The following RNF14 variants were observed in gnomAD, a reference collection of about 807,000 sequenced individuals.
RNF14 encodes E3 ubiquitin-protein ligase RNF14.
Under a neutral mutation model 52.6 loss-of-function variants are expected in RNF14, and 26 were observed. The observed-to-expected ratio is 0.49, with a 90% CI of 0.36 to 0.69. RNF14 has a LOEUF of 0.69. RNF14 is among the 30% of genes least tolerant of loss of function. The pLI, the probability that RNF14 is intolerant of heterozygous loss-of-function variation, is 0.00. For synonymous variants in RNF14, 194 were observed against 202.0 expected, an observed-to-expected ratio of 0.96 and a Z score of 0.34; for missense variants, 404 against 560.4, an observed-to-expected ratio of 0.72 and a Z score of 2.82.
rs1015660692 is a variant in RNF14, at chr5:141,960,130, C to T, written c.-181+1705C>T. 3.3e-5 allele frequency among the ~76,000 whole-genome samples: 5 copies of T among 152,296 alleles called. No homozygotes were observed. In the South Asian group the frequency reaches 8.3e-4, roughly 25 times the overall value. ...AAGGTGCTGCCTAAGCTACTAGGAG[C>T]CCCTGGGAGCTCAGGGACACAAGGG... On this transcript the variant is annotated intron_variant, in intron 1 of 4. Transcript: ENST00000506822.
In RNF14 at chr5:141,984,809, G is replaced by C. The variant is rs755710046; in HGVS notation, c.1243G>C (p.Asp415His). 6.2e-7 allele frequency: 1 copy of C among 1,613,818 alleles called. No homozygotes were observed. Among genetic ancestry groups the C allele is most frequent in the Non-Finnish European group, 8.5e-7 (1 of 1,179,818 alleles). ...PCCGTPIEKL[D>H]GCNKMTCTGC... is the part of the protein sequence containing the mutation. Reference sequence around the variant, plus strand: ...TTTCTATCCTTCCCACCAGAAATTAGACGGATGTAACAAGATGACATGTAC... The same window carrying C: ...TTTCTATCCTTCCCACCAGAAATTACACGGATGTAACAAGATGACATGTAC... Residue 415 changes from aspartate (D) to histidine (H), a missense_variant, in exon 8 of 9, where the codon GAC becomes CAC. Transcript: ENST00000394520.
chr5:141,954,708 A>G (rs189110513), upstream of RNF14, among the ~76,000 whole-genome samples: 7 of 152,318 alleles, frequency 4.6e-5, no homozygotes, highest in East Asian at 1.3e-3. Context: ...GGACAACTCT[A>G]CAAGGTAGAT....
At chr5:141,955,686 C>T (rs777965030), upstream of RNF14, 2 of 1,614,168 alleles carry the variant, frequency 1.2e-6, no homozygotes, top group Admixed American at 1.7e-5. The surrounding 1 kb of genome is among the most constrained non-coding windows in gnomAD (Gnocchi z 5.5). Context: ...ACAGTACAGC[C>T]AGGCAGATCA....
intron 3 of RNF14, 150 bp downstream of exon 3, chr5:141,973,892 A>G (rs1394576631): frequency 1.2e-5 from 8 of 657,188 alleles, no homozygotes; most frequent in East Asian, 3.1e-5. Context: ...GAAAATTGCA[A>G]TGAGGGGCAA....
intron 1 of RNF14, among the ~76,000 whole-genome samples, chr5:141,959,388 G>T (rs1298867085): frequency 1.3e-5 from 2 of 152,108 alleles, no homozygotes; most frequent in Admixed American, 1.3e-4. Flanking sequence ...AGTTTGCTTG[G>T]GTGGGCTTTG....
At chr5:141,961,172 A>C (rs571639353) in intron 1 of RNF14, among the ~76,000 whole-genome samples, 1 of 152,118 alleles carries the variant, frequency 6.6e-6, no homozygotes, top group Non-Finnish European at 1.5e-5. Flanking sequence ...TGTTTTATCT[A>C]TATATATTTT....
At chr5:141,955,662 CCCGAAGATGCCCAACAGTACAG>C (rs754836147), upstream of RNF14, 1 of 1,614,134 alleles carries the variant, frequency 6.2e-7, no homozygotes. This position sits in a 1 kb window ranked among gnomAD's most constrained non-coding sequence, Gnocchi z 5.5. Flanking sequence ...CCAGGATCAA[CCCGAAGATGCCCAACAGTACAG>C]CCAGGCAGAT....
chr5:141,974,942 T>G lies in RNF14; in HGVS notation c.293T>G (p.Leu98Arg), dbSNP rs1264063774. The G allele has an allele frequency of 6.2e-7, 1 of 1,613,800 alleles. No individual in the cohort carries two copies. The highest frequency in any genetic ancestry group is 8.5e-7 in the Non-Finnish European group (1 of 1,179,952). ...TCATTCACACTTAGTGGCAAATGGC[T>G]GTCACCAACTCAGGTTAGACTTGAA... The part of the protein sequence containing the change: ...PPSFTLSGKW[L>R]SPTQLSALCK... Residue 98 changes from leucine to arginine, a missense_variant, in exon 4 of 9, where the codon CTG becomes CGG. By Grantham distance (102) the Leu-to-Arg change is moderately radical. Transcript: ENST00000394520.
Position 141,978,909 on chromosome 5 carries a change from A to G in RNF14, c.834+79A>G, listed in dbSNP as rs1401602807. Reference sequence around the variant, plus strand: ...ATATCATCTCAGGAACTTCCTTGATAGGGCTCATGGGGCAGTCCGAGGCCT... The same window carrying G: ...ATATCATCTCAGGAACTTCCTTGATGGGGCTCATGGGGCAGTCCGAGGCCT... On this transcript the variant is annotated intron_variant, in intron 5 of 8. Transcript: ENST00000394520. 4.0e-6 allele frequency: 6 copies of G among 1,500,894 alleles called. No individual in the cohort carries two copies. The African/African-American group carries it at 5.5e-5, about 14-fold the overall frequency. 93.0% of individuals were successfully genotyped at this position (1,500,894 alleles called of 1,614,324 possible).
rs1596694280 is a variant in RNF14 at position 141,979,977 on chromosome 5, C to T, written c.835-146C>T. 3 of 657,302 alleles carry T rather than the reference C, an allele frequency of 4.6e-6. No individual in the cohort carries two copies. In the East Asian group the frequency reaches 7.9e-5, roughly 17 times the overall value. 40.7% of individuals were successfully genotyped at this position (657,302 alleles called of 1,614,324 possible). A position where few individuals can be genotyped will look rare whatever the true frequency, so the allele number is the denominator to read the frequency against. ...AGACCCCTATAATTGTCATCTCAGT[C>T]AAAATGTACTTGGTTTGATTTTGAA... On this transcript the variant is annotated intron_variant, in intron 5 of 8. Transcript: ENST00000394520.
At chr5:141,950,895 TACC>T in the RNF14 span, among the ~76,000 whole-genome samples, 3 of 152,188 alleles carry the variant, frequency 2.0e-5, no homozygotes, top group African/African-American at 7.2e-5. Context: ...CTCACCCCAT[TACC>T]ACAAGGGAAA....
chr5:141,950,324 A>C, the RNF14 span, among the ~76,000 whole-genome samples: 3 of 152,102 alleles, frequency 2.0e-5, no homozygotes, highest in African/African-American at 7.2e-5. Flanking sequence ...AAGGCGTAGG[A>C]GTCCTTCTGT....
upstream of RNF14, chr5:141,957,060 T>C (rs753620534): frequency 6.8e-6 from 11 of 1,614,190 alleles, no homozygotes; most frequent in Non-Finnish European, 9.3e-6. The surrounding 1 kb of genome is among the most constrained non-coding windows in gnomAD (Gnocchi z 4.3). Flanking sequence ...CGGTCAGTTT[T>C]ATGAGAAGCG....
At chr5:141,949,526 T>C in the RNF14 span, 1 of 1,614,232 alleles carries the variant, frequency 6.2e-7, no homozygotes, top group Non-Finnish European at 8.5e-7. Context: ...CCTCCTGTTC[T>C]GGGTCTGTCT....
intron 2 of RNF14, among the ~76,000 whole-genome samples, chr5:141,971,676 C>G (rs1753798483): frequency 8.0e-6 from 1 of 124,436 alleles, no homozygotes; most frequent in South Asian, 2.4e-4. Context: ...GAGTCTGTCT[C>G]TGTCACCCAG....
chr5:141,955,857 G>A, upstream of RNF14: 2 of 1,614,146 alleles, frequency 1.2e-6, no homozygotes, highest in African/African-American at 1.3e-5. This position sits in a 1 kb window ranked among gnomAD's most constrained non-coding sequence, Gnocchi z 5.5. Context: ...TCCCAATGAG[G>A]CTGCTGGCAT....
intron 6 of RNF14, among the ~76,000 whole-genome samples, chr5:141,982,089 A>G (rs918612022): frequency 5.3e-5 from 8 of 152,172 alleles, no homozygotes; most frequent in Admixed American, 3.9e-4. Context: ...TAACCTTTTC[A>G]TTAAAAGTCA....
chr5:141,956,601 T>G (rs1561536626), upstream of RNF14: 6 of 1,614,192 alleles, frequency 3.7e-6, no homozygotes, highest in Non-Finnish European at 3.4e-6. Context: ...CTCTGTCCAG[T>G]GTGGCATTGG....
At chr5:141,956,828 C>G (rs771990021), upstream of RNF14, 11 of 1,614,114 alleles carry the variant, frequency 6.8e-6, no homozygotes, top group Non-Finnish European at 9.3e-6. Flanking sequence ...ACATCCAGAA[C>G]CTTGATGAGA....
Sources: allele counts gnomAD v4.1 joint callset (sites outside exome capture counted in the v4.1 genomes callset), GRCh38; gene constraint gnomAD v4.1.1; non-coding constraint Gnocchi (gnomAD v3.1); transcripts MANE v1.5; gene names NCBI Gene and HGNC (gene_info 2026-07-23, HGNC 2026-07-21).